Variants in MACROD2 observed in about 807,000 individuals in gnomAD.
MACROD2 encodes mono-ADP ribosylhydrolase 2, also known as ADP-ribose glycohydrolase MACROD2.
Under a neutral mutation model 70.4 loss-of-function variants are expected in MACROD2, and 36 were observed. The observed-to-expected ratio is 0.51, with a 90% CI of 0.39 to 0.68. The LOEUF (loss-of-function observed/expected upper bound fraction) is 0.68. Among genes scored for constraint, MACROD2 ranks in the 30% least tolerant of loss-of-function variants. The pLI is 0.00. For synonymous variants in MACROD2, 172 were observed against 178.8 expected (o/e 0.96, Z 0.30); for missense variants, 496 against 538.4 (o/e 0.92, Z 0.78).
Position 15,536,775 on chromosome 20 carries a change from C to T in MACROD2, c.645+36928C>T, listed in dbSNP as rs565325721. ...TGGTGGTTCTGAGCTTTATTATGAT[C>T]GTTTCCATCCTAAGATATACTTCTC... is the stretch of plus-strand genomic sequence containing the variant. On this transcript the variant is annotated intron_variant, in intron 8 of 17. Coordinates refer to ENST00000684519, the MANE Select transcript of MACROD2 (RefSeq NM_001351661.2). Among the ~76,000 whole-genome samples, 6 of 152,222 alleles carry T rather than the reference C, an allele frequency of 3.9e-5. No homozygotes were observed. In the East Asian group the frequency reaches 7.7e-4, roughly 20 times the overall value.
At chr20:15,939,634 G>A (rs1187908362) in intron 12 of MACROD2, among the ~76,000 whole-genome samples, 1 of 151,560 alleles carries the variant, frequency 6.6e-6, no homozygotes, top group Non-Finnish European at 1.5e-5. Context: ...CACATCTAGT[G>A]TGCAGCCAAT....
At chr20:15,519,193 C>T (rs1336263670) in intron 8 of MACROD2, among the ~76,000 whole-genome samples, 6 of 152,068 alleles carry the variant, frequency 3.9e-5, no homozygotes, top group Admixed American at 3.9e-4. Context: ...TCACTGCAAG[C>T]TCCGCCTCCT....
At chr20:15,041,967 T>G (rs1568545492) in intron 5 of MACROD2, among the ~76,000 whole-genome samples, 1 of 152,166 alleles carries the variant, frequency 6.6e-6, no homozygotes, top group Non-Finnish European at 1.5e-5. Flanking sequence ...ATGTCATACA[T>G]GCCAAGCAGG....
intron 3 of MACROD2, among the ~76,000 whole-genome samples, chr20:14,406,536 G>C (rs2083692903): frequency 6.6e-6 from 1 of 152,060 alleles, no homozygotes; most frequent in South Asian, 2.1e-4. Context: ...GTTTGAGACA[G>C]CTATTTAGTC....
At chr20:15,321,088 T>TGCCAGTTATTGAGCA (rs1555804353) in intron 6 of MACROD2, among the ~76,000 whole-genome samples, 1 of 146,808 alleles carries the variant, frequency 6.8e-6, no homozygotes, top group Non-Finnish European at 1.5e-5. Flanking sequence ...CAAAGTTGTT[T>TGCCAGTTATTGAGCA]CAAAATGCAT....
chr20:15,808,445 A>C lies in MACROD2; in HGVS notation c.646-54300A>C, dbSNP rs147639275. Among the ~76,000 whole-genome samples the C allele has an allele frequency of 8.9e-3, 1,356 of 152,354 alleles. 15 individuals carry two copies. The highest frequency in any genetic ancestry group is 0.085 in the Middle Eastern group (25 of 294). ...TTAGAAATGTTAGTTCATAAATTAA[A>C]TAGCTTTACATATGTTTTTGAATTC... is the stretch of plus-strand genomic sequence containing the variant. On this transcript the variant is annotated intron_variant, in intron 8 of 17. Transcript: ENST00000684519.
intron 8 of MACROD2, among the ~76,000 whole-genome samples, chr20:15,765,585 A>G (rs1003116062): frequency 6.6e-6 from 1 of 152,222 alleles, no homozygotes; most frequent in Non-Finnish European, 1.5e-5. Context: ...TTCAATCTAT[A>G]AATACTATGA....
At chr20:14,653,842 C>A (rs1985821601) in intron 4 of MACROD2, among the ~76,000 whole-genome samples, 1 of 152,068 alleles carries the variant, frequency 6.6e-6, no homozygotes, top group African/African-American at 2.4e-5. Context: ...AAAAGCAGTC[C>A]CCTATTTAGA....
chr20:15,696,272 A>C (rs2050369708), intron 8 of MACROD2, among the ~76,000 whole-genome samples: 1 of 152,162 alleles, frequency 6.6e-6, no homozygotes, highest in African/African-American at 2.4e-5. Flanking sequence ...GATTTTGTGG[A>C]ATGCTTGTTC....
chr20:14,858,260 C>T (rs182594115), intron 5 of MACROD2, among the ~76,000 whole-genome samples: 2 of 152,228 alleles, frequency 1.3e-5, no homozygotes, highest in African/African-American at 2.4e-5. Context: ...AAGGGTGCAA[C>T]TGGAAAATGT....
chr20:15,839,543 A>T (rs926923065), intron 8 of MACROD2, among the ~76,000 whole-genome samples: 2 of 152,086 alleles, frequency 1.3e-5, no homozygotes, highest in African/African-American at 4.8e-5. Context: ...TCCAGAGGGG[A>T]TAAGAAACAT....
At chr20:14,847,265 G>C (rs1028557395) in intron 5 of MACROD2, among the ~76,000 whole-genome samples, 40 of 152,266 alleles carry the variant, frequency 2.6e-4, no homozygotes, top group African/African-American at 9.6e-4. Flanking sequence ...TTATGGTAGA[G>C]ACTATGCAAA....
At chr20:15,131,738 C>T (rs1173851980) in intron 5 of MACROD2, among the ~76,000 whole-genome samples, 1 of 151,926 alleles carries the variant, frequency 6.6e-6, no homozygotes, top group Non-Finnish European at 1.5e-5. Flanking sequence ...TTAAAACTTA[C>T]AAATCACCAA....
chr20:15,667,912 C>T (rs77374647), intron 8 of MACROD2, among the ~76,000 whole-genome samples: 5,364 of 152,164 alleles, frequency 0.035, 310 homozygotes, highest in African/African-American at 0.12. Flanking sequence ...CTACAAGTTC[C>T]ATCTTGAGGT....
chr20:14,512,503 T>A (rs949906955), intron 4 of MACROD2, among the ~76,000 whole-genome samples: 1 of 152,036 alleles, frequency 6.6e-6, no homozygotes, highest in African/African-American at 2.4e-5. Flanking sequence ...AAAAGTAAAA[T>A]CAGTCAAGAA....
intron 8 of MACROD2, among the ~76,000 whole-genome samples, chr20:15,605,082 A>C (rs779590350): frequency 3.3e-5 from 5 of 152,148 alleles, no homozygotes; most frequent in Non-Finnish European, 5.9e-5. Context: ...ACCAAAAAGC[A>C]TATGTTGAAT....
rs574598819 is a variant in MACROD2, at chr20:14,771,763, C to T, written c.418+86804C>T. On this transcript the variant is annotated intron_variant, in intron 5 of 17. Transcript: ENST00000684519. Reference sequence around the variant, plus strand: ...ACACACACACACACACACACACACACATACACATATGGTGTATATATGTAT... The same window carrying T: ...ACACACACACACACACACACACACATATACACATATGGTGTATATATGTAT... 2.7e-5 allele frequency among the ~76,000 whole-genome samples: 4 copies of T among 150,270 alleles called. No individual in the cohort carries two copies. The Admixed American group carries it at 2.7e-4, about 10-fold the overall frequency.
chr20:15,386,729 C>G (rs985523386), intron 6 of MACROD2, among the ~76,000 whole-genome samples: 1 of 152,158 alleles, frequency 6.6e-6, no homozygotes, highest in Non-Finnish European at 1.5e-5. Context: ...GGGCCTAACA[C>G]CCTATTCATT....
intron 5 of MACROD2, among the ~76,000 whole-genome samples, chr20:15,165,168 G>A (rs1300689645): frequency 6.6e-6 from 1 of 152,108 alleles, no homozygotes; most frequent in Non-Finnish European, 1.5e-5. Context: ...AGAAAGACTT[G>A]ACACCGGCTG....
Sources: gnomAD v4.1 joint callset for allele counts (sites outside exome capture counted in the v4.1 genomes callset) on GRCh38, gnomAD v4.1.1 for gene constraint, MANE v1.5 for transcripts, NCBI Gene and HGNC (gene_info 2026-07-23, HGNC 2026-07-21) for gene names.